NRG3: variants seen among roughly 807,000 people sequenced by gnomAD.
NRG3 encodes the protein neuregulin 3, also known as pro-neuregulin-3, membrane-bound isoform.
A neutral mutation model predicts 66.9 loss-of-function variants in NRG3; 31 were observed. The ratio of observed to expected loss-of-function variants is 0.46; its 90% CI spans 0.35 to 0.63. The LOEUF is 0.63. NRG3 is among the 20% of genes least tolerant of loss of function. The probability of loss-of-function intolerance (pLI) is 0.00; values close to 1 mark genes in which losing one functional copy is unlikely to be tolerated. For synonymous variants in NRG3, 393 were observed against 359.4 expected, an observed-to-expected ratio of 1.09 and a Z score of -1.06; for missense variants, 910 against 878.9, an observed-to-expected ratio of 1.04 and a Z score of -0.45.
At chr10:82,187,182 A>G (rs1483125844) in intron 1 of NRG3, among the ~76,000 whole-genome samples, 1 of 152,182 alleles carries the variant, frequency 6.6e-6, no homozygotes, top group Non-Finnish European at 1.5e-5. Context: ...CTTAGAATGT[A>G]TGTGATGGAG....
At chr10:82,704,979 A>G (rs2056178814) in intron 2 of NRG3, among the ~76,000 whole-genome samples, 1 of 152,218 alleles carries the variant, frequency 6.6e-6, no homozygotes, top group South Asian at 2.1e-4. Flanking sequence ...ATCACTGAAT[A>G]ATAGAAATCA....
At chr10:81,972,384 C>T (rs925187602) in intron 1 of NRG3, among the ~76,000 whole-genome samples, 2 of 151,810 alleles carry the variant, frequency 1.3e-5, no homozygotes, top group Non-Finnish European at 2.9e-5. Flanking sequence ...TCCAGAACAG[C>T]GATAGCAGAC....
chr10:81,896,703 A>G lies in NRG3; in HGVS notation c.823+20540A>G, dbSNP rs542313585. 2.5e-3 allele frequency among the ~76,000 whole-genome samples: 383 copies of G among 152,034 alleles called. 6 individuals carry two copies. The highest frequency in any genetic ancestry group is 0.025 in the Admixed American group (377 of 15,258). On this transcript the variant is annotated intron_variant, in intron 1 of 8. Transcript: ENST00000372141. Reference sequence around the variant, plus strand: ...TTCTTTAAAGATTGTATGATAAAAAATGTTTATTATGGCTTAAGGGGGAAT... The same window carrying G: ...TTCTTTAAAGATTGTATGATAAAAAGTGTTTATTATGGCTTAAGGGGGAAT...
chr10:82,214,128 C>T (rs1219342714), intron 1 of NRG3, among the ~76,000 whole-genome samples: 1 of 152,154 alleles, frequency 6.6e-6, no homozygotes, highest in Non-Finnish European at 1.5e-5. Context: ...AGACTCCCTT[C>T]CCCTTAGGCT....
chr10:82,237,973 A>G (rs946762766), intron 1 of NRG3, among the ~76,000 whole-genome samples: 6 of 152,160 alleles, frequency 3.9e-5, no homozygotes, highest in Non-Finnish European at 8.8e-5. Flanking sequence ...TCAGGTTACA[A>G]TTGGTAAAAG....
chr10:82,794,271 C>G (rs1265629691), intron 3 of NRG3, among the ~76,000 whole-genome samples: 2 of 152,142 alleles, frequency 1.3e-5, no homozygotes, highest in African/African-American at 2.4e-5. Context: ...TCCTCTCTCT[C>G]CCACAAATCA....
At chr10:82,157,042 T>G (rs1419476603) in intron 1 of NRG3, among the ~76,000 whole-genome samples, 1 of 151,734 alleles carries the variant, frequency 6.6e-6, no homozygotes, top group Non-Finnish European at 1.5e-5. Context: ...ATGGTCATTA[T>G]GAAGTTGTTC....
At chr10:82,284,017 G>A (rs983012638) in intron 1 of NRG3, among the ~76,000 whole-genome samples, 7 of 152,194 alleles carry the variant, frequency 4.6e-5, no homozygotes, top group South Asian at 2.1e-4. Flanking sequence ...CGAGCATTGC[G>A]ATTTCCAGGA....
At chr10:82,634,108 G>A (rs962569652) in intron 2 of NRG3, among the ~76,000 whole-genome samples, 10 of 152,166 alleles carry the variant, frequency 6.6e-5, no homozygotes, top group African/African-American at 2.4e-4. Context: ...TGGATCATCT[G>A]AACACTGGAC....
intron 1 of NRG3, among the ~76,000 whole-genome samples, chr10:82,020,401 C>A (rs1040863753): frequency 2.0e-5 from 3 of 151,980 alleles, no homozygotes; most frequent in African/African-American, 7.2e-5. Context: ...AGGAACTGTC[C>A]TAGGTTCCGG....
At chr10:82,748,693 A>C (rs1012426636) in intron 3 of NRG3, among the ~76,000 whole-genome samples, 1 of 150,578 alleles carries the variant, frequency 6.6e-6, no homozygotes, top group South Asian at 2.1e-4. Flanking sequence ...ACTGCCAGGG[A>C]CTGTTCTAAG....
At chr10:82,262,592 T>C in intron 1 of NRG3, among the ~76,000 whole-genome samples, 1 of 152,234 alleles carries the variant, frequency 6.6e-6, no homozygotes, top group South Asian at 2.1e-4. Context: ...CAGTGTTTCC[T>C]TCAAACAATG....
chr10:82,316,794 C>T (rs995327042), intron 1 of NRG3, among the ~76,000 whole-genome samples: 3 of 152,140 alleles, frequency 2.0e-5, no homozygotes, highest in Admixed American at 6.5e-5. Flanking sequence ...TTTCCTAGGC[C>T]GAGCTGTAGG....
chr10:81,918,064 G>A (rs550364256), intron 1 of NRG3, among the ~76,000 whole-genome samples: 9 of 152,198 alleles, frequency 5.9e-5, no homozygotes, highest in Non-Finnish European at 1.2e-4. Flanking sequence ...CAATGGATCT[G>A]TGTCCCGAGT....
chr10:82,647,004 T>A (rs962827883), intron 2 of NRG3, among the ~76,000 whole-genome samples: 8 of 151,990 alleles, frequency 5.3e-5, no homozygotes, highest in Admixed American at 2.6e-4. Flanking sequence ...TTCTCTTTTT[T>A]AATTTTATTA....
chr10:82,050,427 A>G (rs779847543), intron 1 of NRG3, among the ~76,000 whole-genome samples: 5 of 151,986 alleles, frequency 3.3e-5, no homozygotes, highest in Non-Finnish European at 5.9e-5. Context: ...GAATAGATGA[A>G]TGGGTGGCTG....
intron 4 of NRG3, among the ~76,000 whole-genome samples, chr10:82,947,212 C>T (rs1258427559): frequency 6.6e-6 from 1 of 152,016 alleles, no homozygotes; most frequent in East Asian, 1.9e-4. Context: ...CAACATGTAC[C>T]CTGTTTGCTG....
chr10:82,149,579 C>T (rs962177395), intron 1 of NRG3, among the ~76,000 whole-genome samples: 1 of 152,128 alleles, frequency 6.6e-6, no homozygotes, highest in Non-Finnish European at 1.5e-5. Flanking sequence ...TGAAACCTAA[C>T]CAGACTTTTG....
chr10:82,595,107 C>G (rs1459682943), intron 2 of NRG3, among the ~76,000 whole-genome samples: 1 of 152,044 alleles, frequency 6.6e-6, no homozygotes, highest in African/African-American at 2.4e-5. Flanking sequence ...AGATTTGATC[C>G]ACCATGCCCC....
Sources: allele counts gnomAD v4.1 joint callset (sites outside exome capture counted in the v4.1 genomes callset), GRCh38; gene constraint gnomAD v4.1.1; transcripts MANE v1.5; gene names NCBI Gene and HGNC (gene_info 2026-07-23, HGNC 2026-07-21).